The following DHRS7B variants were observed in gnomAD, a reference collection of about 807,000 sequenced individuals.
DHRS7B encodes dehydrogenase/reductase 7B.
DHRS7B carries 24 observed loss-of-function variants against 26.4 expected under a neutral mutation model. The ratio of observed to expected loss-of-function variants is 0.91; its 90% CI spans 0.66 to 1.28. DHRS7B has a LOEUF of 1.28. DHRS7B is among the 50% of genes most tolerant of loss of function. The pLI, the probability that DHRS7B is intolerant of heterozygous loss-of-function variation, is 0.00. For synonymous variants in DHRS7B, 142 were observed against 166.4 expected (o/e 0.85, Z 1.13); for missense variants, 368 against 419.4 (o/e 0.88, Z 1.07).
At chr17:21,177,154 C>T (rs963759802) in intron 2 of DHRS7B, among the ~76,000 whole-genome samples, 5 of 152,154 alleles carry the variant, frequency 3.3e-5, no homozygotes, top group African/African-American at 1.2e-4. Context: ...AGGCTGATCA[C>T]GGCCTTCCCT....
At chr17:21,149,654 A>G (rs2143983304) in intron 1 of DHRS7B, among the ~76,000 whole-genome samples, 1 of 152,258 alleles carries the variant, frequency 6.6e-6, no homozygotes, top group Admixed American at 6.5e-5. Context: ...TTTTTTAAAC[A>G]TATTTTTCTT....
intron 1 of DHRS7B, among the ~76,000 whole-genome samples, chr17:21,145,554 A>G (rs1355642936): frequency 6.6e-6 from 1 of 152,220 alleles, no homozygotes; most frequent in Non-Finnish European, 1.5e-5. Context: ...CCATTGCTGG[A>G]TAAGGAGAGA....
chr17:21,175,274 C>A (rs926502151), intron 2 of DHRS7B, among the ~76,000 whole-genome samples: 1 of 152,196 alleles, frequency 6.6e-6, no homozygotes, highest in African/African-American at 2.4e-5. Flanking sequence ...TGTTTTGAAC[C>A]CATCTAGCTT....
chr17:21,188,735 A>G lies in DHRS7B; in HGVS notation c.644A>G (p.Gln215Arg), dbSNP rs1974706438. The change falls in exon 6 of 7, where the codon CAG becomes CGG. Residue 215 changes from glutamine (Q) to arginine (R), a missense_variant. Coordinates refer to ENST00000395511, the MANE Select transcript of DHRS7B (RefSeq NM_015510.5). The part of the protein sequence containing the change: ...SAYAASKHAT[Q>R]AFFDCLRAEM... ...GATGCAGCCTCCAAGCACGCAACCC[A>G]GGCTTTCTTTGACTGTCTGCGTGCC... 4 of 1,608,472 alleles carry G rather than the reference A, an allele frequency of 2.5e-6. No individual in the cohort carries two copies. Among genetic ancestry groups the G allele is most frequent in the East Asian group, 2.2e-5 (1 of 44,822 alleles).
At chr17:21,176,301 A>G (rs768794188) in intron 2 of DHRS7B, among the ~76,000 whole-genome samples, 4 of 151,948 alleles carry the variant, frequency 2.6e-5, no homozygotes, top group Non-Finnish European at 5.9e-5. Flanking sequence ...ACATTTTTAC[A>G]AAGTAGTTCA....
At chr17:21,133,602 A>C (rs1973284889) in intron 1 of DHRS7B, among the ~76,000 whole-genome samples, 1 of 152,272 alleles carries the variant, frequency 6.6e-6, no homozygotes. Flanking sequence ...AAGGAGCCCA[A>C]GATATTTTCC....
chr17:21,180,557 A>G (rs1304245375), intron 3 of DHRS7B, among the ~76,000 whole-genome samples: 2 of 152,104 alleles, frequency 1.3e-5, no homozygotes, highest in East Asian at 1.9e-4. Flanking sequence ...AATTGATTAC[A>G]TATTTGAAGT....
intron 2 of DHRS7B, among the ~76,000 whole-genome samples, 161 bp from the exon 3 acceptor site, chr17:21,178,072 C>T (rs986599030): frequency 1.3e-5 from 2 of 152,282 alleles, no homozygotes; most frequent in African/African-American, 4.8e-5. Context: ...TGGGCGTGAG[C>T]CCGGCATTGG....
In DHRS7B at chr17:21,191,209, C is replaced by G; in HGVS notation, c.*56C>G. On this transcript the variant is annotated 3_prime_UTR_variant, in exon 7 of 7. Coordinates refer to ENST00000395511, the MANE Select transcript of DHRS7B (RefSeq NM_015510.5). The stretch of plus-strand genomic sequence containing the variant: ...AGCAGCACTCTTAGGCTTGCTTACT[C>G]TACAAGGGACAGTTGCATTTGTTGA... 6.5e-7 allele frequency: 1 copy of G among 1,546,694 alleles called. No homozygotes were observed. The highest frequency in any genetic ancestry group is 8.9e-7 in the Non-Finnish European group (1 of 1,125,000).
intron 1 of DHRS7B, among the ~76,000 whole-genome samples, chr17:21,163,929 TCCTCCTGTCTTGG>T (rs1292118570): frequency 2.6e-5 from 4 of 151,560 alleles, no homozygotes; most frequent in African/African-American, 9.7e-5. Flanking sequence ...GCTCAAGTGA[TCCTCCTGTCTTGG>T]CCTCCTAAAG....
Position 21,183,784 on chromosome 17 carries a change from A to G in DHRS7B, c.500A>G (p.Tyr167Cys). The G allele has an allele frequency of 3.1e-6, 5 of 1,614,220 alleles. No homozygotes were observed. The highest frequency in any genetic ancestry group is 4.2e-6 in the Non-Finnish European group (5 of 1,180,032). ...DVDKRVMETN[Y>C]FGPVALTKAL... ...GACAAGAGGGTCATGGAGACAAACT[A>G]CTTTGGCCCAGTTGCTCTAACGAAA... Residue 167 changes from tyrosine to cysteine, a missense_variant, in exon 4 of 7, where the codon TAC becomes TGC. Transcript: ENST00000395511.
In DHRS7B at chr17:21,188,725, C is replaced by T. The variant is rs201946422; in HGVS notation, c.634C>T (p.His212Tyr). Reference protein sequence around the residue: ...PFRSAYAASKHATQAFFDCLR... With the variant: ...PFRSAYAASKYATQAFFDCLR... The stretch of plus-strand genomic sequence containing the variant: ...CACATGTGTAGATGCAGCCTCCAAG[C>T]ACGCAACCCAGGCTTTCTTTGACTG... Residue 212 changes from histidine to tyrosine, a missense_variant, in exon 6 of 7, where the codon CAC (histidine) becomes TAC (tyrosine). Physicochemically the swap from His to Tyr is moderately conservative, Grantham distance 83. Transcript: ENST00000395511. The T allele has an allele frequency of 2.0e-5, 32 of 1,601,312 alleles. 1 individual carries two copies. In the Middle Eastern group the frequency reaches 5.0e-4, roughly 25 times the overall value.
chr17:21,184,158 C>T (rs1974576600), intron 4 of DHRS7B, among the ~76,000 whole-genome samples: 1 of 152,232 alleles, frequency 6.6e-6, no homozygotes, highest in Non-Finnish European at 1.5e-5. Flanking sequence ...ACCTCTGTCC[C>T]TGTTTCCTTG....
At chr17:21,127,493 G>A (rs1273157724) in intron 1 of DHRS7B, 1 of 155,404 alleles carries the variant, frequency 6.4e-6, no homozygotes, top group Non-Finnish European at 1.4e-5. Flanking sequence ...GCTGACTCGA[G>A]CGTCCACGGG....
intron 1 of DHRS7B, among the ~76,000 whole-genome samples, chr17:21,132,251 AG>A (rs1478455187): frequency 6.6e-6 from 1 of 151,900 alleles, no homozygotes; most frequent in Non-Finnish European, 1.5e-5. Context: ...CTATAATCCC[AG>A]CACTTTAGGA....
At chr17:21,158,846 C>G (rs575113407) in intron 1 of DHRS7B, among the ~76,000 whole-genome samples, 1 of 150,996 alleles carries the variant, frequency 6.6e-6, no homozygotes, top group East Asian at 2.0e-4. Context: ...ACAAGTAGAT[C>G]AATGGAACAG....
chr17:21,160,017 C>A (rs1056846459), intron 1 of DHRS7B, among the ~76,000 whole-genome samples: 1 of 152,094 alleles, frequency 6.6e-6, no homozygotes, highest in East Asian at 1.9e-4. Context: ...GTCAGGAGTT[C>A]AAGACCAGCC....
At chr17:21,146,829 C>T (rs1334602137) in intron 1 of DHRS7B, among the ~76,000 whole-genome samples, 1 of 152,192 alleles carries the variant, frequency 6.6e-6, no homozygotes, top group Non-Finnish European at 1.5e-5. Flanking sequence ...GCCAAGGGTA[C>T]TGGTTAGTGA....
At position 21,150,126 on chromosome 17, in the gene DHRS7B, A is replaced by C. The variant is rs867933050; in HGVS notation, c.21-21892A>C. Among the ~76,000 whole-genome samples the C allele has an allele frequency of 9.0e-3, 1,296 of 143,862 alleles. 32 individuals are homozygous for C. Among genetic ancestry groups the C allele is most frequent in the African/African-American group, 0.03 (1,208 of 40,328 alleles). The allele number at this position is 143,862 out of a possible 152,430, so 94.4% of individuals were successfully genotyped here. On this transcript the variant is annotated intron_variant, in intron 1 of 6. Coordinates refer to ENST00000395511, the MANE Select transcript of DHRS7B (RefSeq NM_015510.5). ...TATTTAAAAAAAAAAAAAAAAAAAA[A>C]AAAAAACTAAGGCATAGAGTATCTG... is the stretch of plus-strand genomic sequence containing the variant.
Sources: gnomAD v4.1 joint callset for allele counts (sites outside exome capture counted in the v4.1 genomes callset) on GRCh38, gnomAD v4.1.1 for gene constraint, MANE v1.5 for transcripts, NCBI Gene and HGNC (gene_info 2026-07-23, HGNC 2026-07-21) for gene names.